NOTCH2: variants seen among roughly 807,000 people sequenced by gnomAD.
The protein encoded by NOTCH2 is neurogenic locus notch homolog protein 2.
A neutral mutation model predicts 235.8 loss-of-function variants in NOTCH2; 29 were observed. The observed-to-expected ratio is 0.12, with a 90% CI of 0.09 to 0.17. The LOEUF is 0.17. Ranked by LOEUF, NOTCH2 falls within the 10% of genes least tolerant of loss-of-function variation. The pLI, the probability that NOTCH2 is intolerant of heterozygous loss-of-function variation, is 1.00. For missense variants in NOTCH2, 2,285 were observed against 3,150.2 expected, an observed-to-expected ratio of 0.73 and a Z score of 6.57; for synonymous variants, 1,086 against 1,141.5, an observed-to-expected ratio of 0.95 and a Z score of 0.98.
At chr1:119,918,682 T>A in intron 31 of NOTCH2, 129 bp from the exon 32 acceptor site, 1 of 864,974 alleles carries the variant, frequency 1.2e-6, no homozygotes. Context: ...AAAGTCTTGT[T>A]ATCTTTGTGC....
intron 3 of NOTCH2, among the ~76,000 whole-genome samples, chr1:120,002,063 G>A (rs1403780864): frequency 6.6e-6 from 1 of 152,148 alleles, no homozygotes; most frequent in East Asian, 1.9e-4. Context: ...GGAATCAAGG[G>A]GTGGAAATGG....
At position 119,920,394 on chromosome 1, in the gene NOTCH2, C is replaced by T. The variant is rs587778576; in HGVS notation, c.5314G>A (p.Glu1772Lys). ...EGPQPKKVKA[E>K]DEALLSEEDD... is the part of the protein sequence containing the mutation. ...TCTTCTGAGAGTAAGGCCTCATCTT[C>T]AGCCTGAAAGGTGAAAACAATGCTC... Residue 1772 changes from glutamate to lysine, a missense_variant, in exon 30 of 34, where the codon GAA becomes AAA. This residue lies in a region of NOTCH2 where 1,173 missense variants were observed against 1,515.3 expected (regional missense o/e 0.77). Transcript: ENST00000256646. 85 of 1,614,100 alleles carry T rather than the reference C, an allele frequency of 5.3e-5. No homozygotes were observed. The highest frequency in any genetic ancestry group is 6.9e-5 in the Non-Finnish European group (82 of 1,180,038).
chr1:119,970,200 A>C (rs1224007735), intron 5 of NOTCH2, among the ~76,000 whole-genome samples: 1 of 152,196 alleles, frequency 6.6e-6, no homozygotes, highest in African/African-American at 2.4e-5. Flanking sequence ...AATATTATGC[A>C]ACAGTTCCAT....
intron 22 of NOTCH2, 180 bp downstream of exon 22, chr1:119,935,292 A>G: frequency 6.5e-7 from 1 of 1,543,456 alleles, no homozygotes; most frequent in Non-Finnish European, 8.7e-7. Context: ...AAACCACAAC[A>G]TCAGAGCTAG....
intron 29 of NOTCH2, among the ~76,000 whole-genome samples, 170 bp downstream of exon 29, chr1:119,921,543 G>A (rs1276342651): frequency 3.3e-5 from 5 of 152,162 alleles, no homozygotes; most frequent in Non-Finnish European, 5.9e-5. Context: ...GGTCATTTAC[G>A]TCCTAAGGAT....
intron 2 of NOTCH2, among the ~76,000 whole-genome samples, chr1:120,010,265 C>A (rs1391871119): frequency 3.9e-5 from 6 of 152,120 alleles, no homozygotes; most frequent in African/African-American, 1.4e-4. Context: ...TTGTTGCTGG[C>A]TTTTCCTCCA....
chr1:120,066,093 C>T (rs1553217033), intron 1 of NOTCH2, among the ~76,000 whole-genome samples: 1 of 151,942 alleles, frequency 6.6e-6, no homozygotes, highest in African/African-American at 2.4e-5. Context: ...TGAAGCCCTT[C>T]TAAAGGGTCA....
chr1:119,922,861 G>C, intron 26 of NOTCH2, 83 bp from the exon 27 acceptor site: 1 of 1,564,334 alleles, frequency 6.4e-7, no homozygotes, highest in South Asian at 1.1e-5. Context: ...ATGTCATAAA[G>C]GGTGACAGGA....
At chr1:120,037,513 T>C (rs1389736216) in intron 1 of NOTCH2, among the ~76,000 whole-genome samples, 1 of 151,412 alleles carries the variant, frequency 6.6e-6, no homozygotes, top group Non-Finnish European at 1.5e-5. Context: ...AACAAAACTT[T>C]CTCTAAATTT....
intron 1 of NOTCH2, among the ~76,000 whole-genome samples, chr1:120,048,255 T>C (rs1245850183): frequency 7.2e-6 from 1 of 139,554 alleles, no homozygotes; most frequent in Non-Finnish European, 1.5e-5. Context: ...AAAACAAAAA[T>C]TTCAAGAAAC....
chr1:119,958,730 G>GTC (rs1387679275), intron 12 of NOTCH2, among the ~76,000 whole-genome samples: 12 of 151,862 alleles, frequency 7.9e-5, no homozygotes, highest in Non-Finnish European at 1.5e-5. Flanking sequence ...GTGTGTGTGT[G>GTC]TGTGTGTGTG....
In NOTCH2 at chr1:119,937,936, C is replaced by T; in HGVS notation, c.3258G>A (p.Gln1086=). The T allele has an allele frequency of 6.2e-7, 1 of 1,614,194 alleles. No homozygotes were observed. Among genetic ancestry groups the T allele is most frequent in the Non-Finnish European group, 8.5e-7 (1 of 1,180,030 alleles). Reference sequence around the variant, plus strand: ...CAGCCCATCCAGATGGACATAGGCACTGGGACTCTGCTTTTTTCTGAACGC... The same window carrying T: ...CAGCCCATCCAGATGGACATAGGCATTGGGACTCTGCTTTTTTCTGAACGC... ...GTCVQKKAES[Q]CLCPSGWAGA... The change falls in exon 20 of 34, where the codon CAG becomes CAA. Residue 1086 remains glutamine, a synonymous_variant. Coordinates refer to ENST00000256646, the MANE Select transcript of NOTCH2 (RefSeq NM_024408.4).
rs143134864 is a variant in NOTCH2, at chr1:119,922,375, T to A, written c.5074A>T (p.Ile1692Phe). 6.2e-7 allele frequency: 1 copy of A among 1,613,956 alleles called. No homozygotes were observed. The highest frequency in any genetic ancestry group is 1.1e-5 in the South Asian group (1 of 91,078). Residue 1692 changes from isoleucine (I) to phenylalanine (F), a missense_variant, in exon 28 of 34, where the codon ATT (isoleucine) becomes TTT (phenylalanine). Physicochemically the swap from Ile to Phe is conservative, Grantham distance 21. Around this residue, in one of 6 missense-constraint regions of NOTCH2, gnomAD observed 1,173 missense variants for 1,515.3 expected, o/e 0.77. Coordinates refer to ENST00000256646, the MANE Select transcript of NOTCH2 (RefSeq NM_024408.4). The stretch of plus-strand genomic sequence containing the variant: ...GCCATGATTACCCCCAGCAGAATAA[T>A]AAACAGAATGATGACAACAGCAACA... ...LAVAVVIILF[I>F]ILLGVIMAKR...
At chr1:119,985,666 G>A (rs1023683416) in intron 5 of NOTCH2, among the ~76,000 whole-genome samples, 4 of 152,230 alleles carry the variant, frequency 2.6e-5, no homozygotes, top group African/African-American at 9.6e-5. Context: ...AATACTGTAA[G>A]GATCATTAAA....
At chr1:120,045,957 A>T (rs1209250263) in intron 1 of NOTCH2, among the ~76,000 whole-genome samples, 1 of 152,282 alleles carries the variant, frequency 6.6e-6, no homozygotes, top group Non-Finnish European at 1.5e-5. Flanking sequence ...GGGCTAAAAA[A>T]CATATAAGCT....
At position 120,069,546 on chromosome 1, in the gene NOTCH2, A is replaced by G. The variant is rs1553218038; in HGVS notation, c.-140T>C. On this transcript the variant is annotated 5_prime_UTR_variant, in exon 1 of 34. Coordinates refer to ENST00000256646, the MANE Select transcript of NOTCH2 (RefSeq NM_024408.4). ...CTCAGGCCCTGGCGCTACGCTCCGA[A>G]GCCCAGGCGCAAATGCCTCGACTCC... 4.2e-6 allele frequency: 6 copies of G among 1,414,206 alleles called. No homozygotes were observed. The highest frequency in any genetic ancestry group is 5.5e-6 in the Non-Finnish European group (6 of 1,092,534). The allele number at this position is 1,414,206 out of a possible 1,614,324, so 87.6% of individuals were successfully genotyped here. A position where few individuals can be genotyped will look rare whatever the true frequency, so the allele number is the denominator to read the frequency against.
chr1:119,957,246 T>C (rs1553198440), intron 12 of NOTCH2, among the ~76,000 whole-genome samples: 1 of 152,236 alleles, frequency 6.6e-6, no homozygotes, highest in East Asian at 1.9e-4. Context: ...AGTATATACA[T>C]CAAGGTCTGT....
At chr1:120,010,730 G>T (rs1487813814) in intron 2 of NOTCH2, among the ~76,000 whole-genome samples, 2 of 152,228 alleles carry the variant, frequency 1.3e-5, no homozygotes, top group East Asian at 3.8e-4. Flanking sequence ...ATCCCACTGT[G>T]AGAAAGCTCT....
chr1:119,920,785 T>C (rs1362649526), intron 29 of NOTCH2, among the ~76,000 whole-genome samples: 2 of 152,222 alleles, frequency 1.3e-5, no homozygotes, highest in Admixed American at 1.3e-4. Flanking sequence ...CAGCACTACA[T>C]GGCCATCTCC....
Sources: allele counts gnomAD v4.1 joint callset (sites outside exome capture counted in the v4.1 genomes callset), GRCh38; gene constraint gnomAD v4.1.1; regional missense constraint gnomAD v4.1.1; transcripts MANE v1.5; gene names NCBI Gene and HGNC (gene_info 2026-07-23, HGNC 2026-07-21).